Variants in HECW1 observed in about 807,000 individuals in gnomAD.
HECW1 encodes the protein E3 ubiquitin-protein ligase HECW1.
A neutral mutation model predicts 182.3 loss-of-function variants in HECW1; 61 were observed. The observed-to-expected ratio is 0.33, with a 90% CI of 0.27 to 0.41. The LOEUF is 0.41. Ranked by LOEUF, HECW1 falls within the 10% of genes least tolerant of loss-of-function variation. HECW1 has a pLI of 1.00. For missense variants in HECW1, 1,739 were observed against 2,108.9 expected (o/e 0.82, Z 3.44); for synonymous variants, 859 against 832.6 (o/e 1.03, Z -0.55).
intron 2 of HECW1, among the ~76,000 whole-genome samples, chr7:43,149,194 G>A (rs768634607): frequency 3.3e-5 from 5 of 152,198 alleles, no homozygotes; most frequent in Non-Finnish European, 7.4e-5. Flanking sequence ...TGAGGTTAGA[G>A]CAGCGACCCC....
intron 3 of HECW1, among the ~76,000 whole-genome samples, chr7:43,306,204 T>C (rs1478957222): frequency 1.3e-5 from 2 of 152,230 alleles, no homozygotes; most frequent in Non-Finnish European, 2.9e-5. Flanking sequence ...GCCTTGATAA[T>C]GTTTTAATGA....
chr7:43,553,385 G>A (rs1434558354), intron 28 of HECW1, among the ~76,000 whole-genome samples: 1 of 152,078 alleles, frequency 6.6e-6, no homozygotes, highest in Non-Finnish European at 1.5e-5. Flanking sequence ...AATGAAAACC[G>A]CTGTCTGCCT....
chr7:43,511,445 G>A (rs1249292209), intron 24 of HECW1: 2 of 152,222 alleles, frequency 1.3e-5, no homozygotes, highest in Non-Finnish European at 1.5e-5. Flanking sequence ...AGAGTCCTCA[G>A]CCTGGCATGC....
chr7:43,258,512 C>A (rs1800829476), intron 3 of HECW1: 2 of 152,040 alleles, frequency 1.3e-5, no homozygotes, highest in South Asian at 2.1e-4. Flanking sequence ...GATTATGGAA[C>A]TAATTATATA....
At chr7:43,147,035 C>T (rs1788790599) in intron 2 of HECW1, among the ~76,000 whole-genome samples, 1 of 152,172 alleles carries the variant, frequency 6.6e-6, no homozygotes, top group Admixed American at 6.6e-5. Context: ...GAGGAACTTG[C>T]CTCTGGCCAG....
chr7:43,113,761 C>T (rs1201400801), intron 1 of HECW1: 6 of 225,670 alleles, frequency 2.7e-5, no homozygotes, highest in Non-Finnish European at 4.4e-5. Context: ...CAGCAAAATC[C>T]GAGGGCTCAA....
rs903413547 is a variant in HECW1 at position 43,324,466 on chromosome 7, G to A, written c.460+3724G>A. 2.0e-5 allele frequency among the ~76,000 whole-genome samples: 3 copies of A among 152,282 alleles called. No homozygotes were observed. In the East Asian group the frequency reaches 5.8e-4, roughly 29 times the overall value. On this transcript the variant is annotated intron_variant, in intron 5 of 29. Coordinates refer to ENST00000395891, the MANE Select transcript of HECW1 (RefSeq NM_015052.5). ...ATAATTAGTGCTTTCAAAAATGTAT[G>A]ATTGAGAGGTGCCAAATTAACAAGT...
At chr7:43,312,144 A>G in intron 4 of HECW1, 57 bp downstream of exon 4, 1 of 1,414,326 alleles carries the variant, frequency 7.1e-7, no homozygotes, top group Non-Finnish European at 9.9e-7. Context: ...ATGCTGTCAC[A>G]TTTTAATAAA....
At chr7:43,515,593 G>A (rs2080108240) in intron 24 of HECW1, among the ~76,000 whole-genome samples, 1 of 152,166 alleles carries the variant, frequency 6.6e-6, no homozygotes, top group South Asian at 2.1e-4. Context: ...ACACTGGTGA[G>A]CACCTAAAAT....
At position 43,549,749 on chromosome 7, in the gene HECW1, AC is replaced by A. The variant is rs771800067; in HGVS notation, c.4249-692del. On this transcript the variant is annotated intron_variant, in intron 26 of 29. Coordinates refer to ENST00000395891, the MANE Select transcript of HECW1 (RefSeq NM_015052.5). ...GGCTGCCCTGGCTGTGTAATATTAT[AC>A]CCCACCCTCTGCCAGAAGACCACTG... is the stretch of plus-strand genomic sequence containing the variant. 3.9e-5 allele frequency among the ~76,000 whole-genome samples: 6 copies of A among 151,916 alleles called. No individual in the cohort carries two copies. The South Asian group carries it at 1.3e-3, about 32-fold the overall frequency.
chr7:43,257,303 C>G (rs1800681081), intron 3 of HECW1, among the ~76,000 whole-genome samples: 1 of 152,196 alleles, frequency 6.6e-6, no homozygotes, highest in Non-Finnish European at 1.5e-5. Context: ...CTCTCTGAGT[C>G]TAATATGTGG....
intron 8 of HECW1, among the ~76,000 whole-genome samples, chr7:43,434,042 T>A (rs80172463): frequency 0.015 from 2,263 of 151,160 alleles, 32 homozygotes; most frequent in African/African-American, 0.041. Context: ...TCCTTTTTTT[T>A]AAAAAAAAAC....
chr7:43,494,719 G>A (rs1487729281), intron 19 of HECW1, among the ~76,000 whole-genome samples: 1 of 152,042 alleles, frequency 6.6e-6, no homozygotes, highest in Non-Finnish European at 1.5e-5. Context: ...TCACCATGTT[G>A]GTCAGGCTGG....
intron 8 of HECW1, among the ~76,000 whole-genome samples, chr7:43,434,111 C>T (rs958846695): frequency 6.6e-6 from 1 of 152,176 alleles, no homozygotes. Context: ...GGCCGTTTCT[C>T]TGGAAACAAA....
At chr7:43,468,180 CAT>C (rs969985568) in intron 15 of HECW1, among the ~76,000 whole-genome samples, 1 of 152,110 alleles carries the variant, frequency 6.6e-6, no homozygotes, top group Non-Finnish European at 1.5e-5. Context: ...CCCCCCTACA[CAT>C]ACACACACAC....
chr7:43,126,197 T>C (rs73312825), intron 2 of HECW1, among the ~76,000 whole-genome samples: 233 of 151,690 alleles, frequency 1.5e-3, no homozygotes, highest in African/African-American at 5.4e-3. Context: ...CCTTTTATAA[T>C]TGTTCTATTT....
intron 3 of HECW1, among the ~76,000 whole-genome samples, chr7:43,282,617 A>G (rs1804063889): frequency 1.3e-5 from 2 of 152,234 alleles, no homozygotes; most frequent in Admixed American, 6.5e-5. Context: ...ATCATTAAAT[A>G]TATCTTTTAA....
chr7:43,474,321 T>G lies in HECW1; in HGVS notation c.3099+5216T>G, dbSNP rs551342840. Among the ~76,000 whole-genome samples the G allele has an allele frequency of 5.2e-3, 793 of 151,984 alleles. 6 individuals carry two copies. The highest frequency in any genetic ancestry group is 0.019 in the African/African-American group (771 of 41,486). On this transcript the variant is annotated intron_variant, in intron 16 of 29. Transcript: ENST00000395891. Reference sequence around the variant, plus strand: ...AAAATTAGCTGGGCATGGTGGCGGGTGCCTGTAGTCCCAGCTACTCGGGAG... The same window carrying G: ...AAAATTAGCTGGGCATGGTGGCGGGGGCCTGTAGTCCCAGCTACTCGGGAG...
chr7:43,228,096 A>G (rs759359285), intron 2 of HECW1, among the ~76,000 whole-genome samples: 27 of 152,240 alleles, frequency 1.8e-4, no homozygotes, highest in Non-Finnish European at 3.4e-4. Context: ...GAATAGTTTT[A>G]ACACATAAAA....
Sources: gnomAD v4.1 joint callset for allele counts (sites outside exome capture counted in the v4.1 genomes callset) on GRCh38, gnomAD v4.1.1 for gene constraint, MANE v1.5 for transcripts, NCBI Gene and HGNC (gene_info 2026-07-23, HGNC 2026-07-21) for gene names.